Variants in STK39 observed in about 807,000 individuals in gnomAD.
STK39 encodes the protein serine/threonine kinase 39.
In STK39, 20 loss-of-function variants were observed where a neutral mutation model predicts 77.8. That is an observed-to-expected ratio of 0.26 (90% CI 0.18 to 0.37). STK39 has a LOEUF of 0.37. Ranked by LOEUF, STK39 falls within the 10% of genes least tolerant of loss-of-function variation. The pLI is 1.00. For synonymous variants in STK39, 246 were observed against 234.1 expected, an observed-to-expected ratio of 1.05 and a Z score of -0.47; for missense variants, 479 against 656.5, an observed-to-expected ratio of 0.73 and a Z score of 2.95.
intron 16 of STK39, among the ~76,000 whole-genome samples, chr2:167,998,242 C>A (rs1410026858): frequency 6.6e-6 from 1 of 152,180 alleles, no homozygotes; most frequent in Non-Finnish European, 1.5e-5. Context: ...CAAAGGTTAG[C>A]TAAACAAGAA....
In STK39 at chr2:168,138,083, C is replaced by T; in HGVS notation, c.974+5G>A. ...TCATTAACTCATCCACTAAGTTTCACTTACCTTTTGGAAGGATCTTTCTGA... is the reference window on the plus strand; with the variant it reads ...TCATTAACTCATCCACTAAGTTTCATTTACCTTTTGGAAGGATCTTTCTGA... On this transcript the variant is annotated splice_donor_5th_base_variant and intron_variant, in intron 8 of 17. Coordinates refer to ENST00000355999, the MANE Select transcript of STK39 (RefSeq NM_013233.3). 6.2e-7 allele frequency: 1 copy of T among 1,613,090 alleles called. No individual in the cohort carries two copies.
intron 1 of STK39, among the ~76,000 whole-genome samples, chr2:168,221,620 A>AGGAGGACTTTGGAGATGGAACGATT (rs1690172386): frequency 6.6e-6 from 1 of 152,212 alleles, no homozygotes; most frequent in Non-Finnish European, 1.5e-5. Flanking sequence ...GATGAAAGAC[A>AGGAGGACTTTGGAGATGGAACGATT]GGAGGACTTT....
intron 1 of STK39, among the ~76,000 whole-genome samples, chr2:168,204,461 G>T (rs1190966468): frequency 1.3e-5 from 2 of 152,214 alleles, no homozygotes; most frequent in African/African-American, 4.8e-5. Context: ...TCAAGTTACA[G>T]ACGAGACCAA....
intron 10 of STK39, among the ~76,000 whole-genome samples, chr2:168,108,963 G>A (rs536797401): frequency 2.0e-4 from 31 of 152,166 alleles, no homozygotes; most frequent in African/African-American, 6.3e-4. Flanking sequence ...TTTAATAGTC[G>A]TAACAACTCA....
chr2:168,092,724 A>C (rs16854702), intron 10 of STK39, among the ~76,000 whole-genome samples: 18,703 of 152,224 alleles, frequency 0.12, 1,447 homozygotes, highest in East Asian at 0.22. Flanking sequence ...ACATCTGCTC[A>C]TCGTTAGTAA....
chr2:168,063,060 T>C (rs972370111), intron 14 of STK39, among the ~76,000 whole-genome samples: 1 of 152,208 alleles, frequency 6.6e-6, no homozygotes, highest in Non-Finnish European at 1.5e-5. Context: ...TTCTCCACAG[T>C]GGCTGATCAA....
chr2:168,052,617 T>C (rs1685426992), intron 14 of STK39, among the ~76,000 whole-genome samples: 1 of 152,178 alleles, frequency 6.6e-6, no homozygotes, highest in Non-Finnish European at 1.5e-5. Context: ...TTGGCACCTG[T>C]GCAGTACATA....
At chr2:168,054,459 T>C (rs1371600321) in intron 14 of STK39, among the ~76,000 whole-genome samples, 2 of 152,244 alleles carry the variant, frequency 1.3e-5, no homozygotes, top group African/African-American at 4.8e-5. Flanking sequence ...GCTTGGCACA[T>C]AGTAGGCATT....
At chr2:168,229,048 G>A (rs1690380395) in intron 1 of STK39, among the ~76,000 whole-genome samples, 1 of 151,928 alleles carries the variant, frequency 6.6e-6, no homozygotes, top group Admixed American at 6.6e-5. Flanking sequence ...TTATGATAAG[G>A]GCTTTTACCA....
intron 5 of STK39, among the ~76,000 whole-genome samples, chr2:168,146,327 C>G (rs973032335): frequency 1.3e-5 from 2 of 152,170 alleles, no homozygotes; most frequent in African/African-American, 4.8e-5. Context: ...CCTCACCTAC[C>G]TCAAACTTCT....
intron 1 of STK39, among the ~76,000 whole-genome samples, chr2:168,231,714 A>G (rs950466274): frequency 1.3e-5 from 2 of 152,156 alleles, no homozygotes; most frequent in African/African-American, 4.8e-5. Context: ...TCTCTGATAC[A>G]GTGTGCCAGA....
At chr2:168,100,437 G>C (rs539344818) in intron 10 of STK39, among the ~76,000 whole-genome samples, 2 of 152,124 alleles carry the variant, frequency 1.3e-5, no homozygotes, top group Admixed American at 6.5e-5. Context: ...TATTTAGTTA[G>C]TTAGTTTTAA....
intron 2 of STK39, among the ~76,000 whole-genome samples, chr2:168,174,924 A>T (rs1688919470): frequency 6.6e-6 from 1 of 151,856 alleles, no homozygotes; most frequent in Non-Finnish European, 1.5e-5. Flanking sequence ...GGAAACCTAG[A>T]GGCCAACTTT....
intron 10 of STK39, among the ~76,000 whole-genome samples, chr2:168,106,113 C>T (rs930448427): frequency 6.6e-6 from 1 of 152,210 alleles, no homozygotes; most frequent in African/African-American, 2.4e-5. Flanking sequence ...CAGATGCGCA[C>T]CACCATGCGC....
At chr2:168,001,758 A>T (rs1225206447) in intron 16 of STK39, among the ~76,000 whole-genome samples, 11 of 152,216 alleles carry the variant, frequency 7.2e-5, no homozygotes, top group Admixed American at 5.2e-4. Flanking sequence ...AAAAAACAGC[A>T]GAGAGATTTC....
At chr2:168,191,334 T>C (rs895299303) in intron 1 of STK39, among the ~76,000 whole-genome samples, 1 of 152,112 alleles carries the variant, frequency 6.6e-6, no homozygotes, top group Admixed American at 6.5e-5. Context: ...AGGGGCAATA[T>C]ACAACCTTGG....
chr2:168,051,300 G>C (rs552163728), intron 14 of STK39, among the ~76,000 whole-genome samples: 2 of 152,284 alleles, frequency 1.3e-5, no homozygotes, highest in African/African-American at 2.4e-5. Flanking sequence ...TCTGCACAGC[G>C]ACAGGAAGGA....
At chr2:168,215,796 T>C (rs1690011137) in intron 1 of STK39, among the ~76,000 whole-genome samples, 1 of 152,126 alleles carries the variant, frequency 6.6e-6, no homozygotes, top group Non-Finnish European at 1.5e-5. Context: ...AGGAACTGTA[T>C]TTTAGAAAAC....
chr2:168,085,058 A>G (rs1686330758), intron 10 of STK39, among the ~76,000 whole-genome samples: 1 of 152,200 alleles, frequency 6.6e-6, no homozygotes. Context: ...AATGGAGTGA[A>G]CCCAACAAGA....
Sources: allele counts gnomAD v4.1 joint callset (sites outside exome capture counted in the v4.1 genomes callset), GRCh38; gene constraint gnomAD v4.1.1; transcripts MANE v1.5; gene names NCBI Gene and HGNC (gene_info 2026-07-23, HGNC 2026-07-21).